Variants in FAM174A observed in about 807,000 individuals in gnomAD.
FAM174A encodes membrane protein FAM174A.
Under a neutral mutation model 14.3 loss-of-function variants are expected in FAM174A, and 14 were observed. The observed-to-expected ratio is 0.98, with a 90% CI of 0.65 to 1.53. FAM174A has a LOEUF of 1.53. Among genes scored for constraint, FAM174A ranks in the 40% most tolerant of loss-of-function variants. The pLI is 0.00. For missense variants in FAM174A, 241 were observed against 249.6 expected (o/e 0.97, Z 0.23); for synonymous variants, 108 against 111.4 (o/e 0.97, Z 0.19).
chr5:100,571,894 T>G (rs1191828909), intron 2 of FAM174A, among the ~76,000 whole-genome samples: 5 of 151,828 alleles, frequency 3.3e-5, no homozygotes, highest in Non-Finnish European at 5.9e-5. Context: ...GTTACATGTG[T>G]TATATGTTAC....
chr5:100,578,824 A>G (rs909356679), intron 2 of FAM174A, among the ~76,000 whole-genome samples: 1 of 151,730 alleles, frequency 6.6e-6, no homozygotes, highest in African/African-American at 2.4e-5. Flanking sequence ...TTGCATACCT[A>G]TTTCAATATT....
chr5:100,559,830 A>G (rs1746486526), intron 1 of FAM174A, among the ~76,000 whole-genome samples: 1 of 151,772 alleles, frequency 6.6e-6, no homozygotes, highest in Admixed American at 6.6e-5. Context: ...TGCATTGGTT[A>G]TTCTAGTTAG....
intron 2 of FAM174A, among the ~76,000 whole-genome samples, chr5:100,585,576 G>A (rs1175935809): frequency 6.6e-6 from 1 of 152,024 alleles, no homozygotes; most frequent in African/African-American, 2.4e-5. Context: ...ATCACACCTG[G>A]CTAATTTTTG....
chr5:100,568,685 T>G (rs1363200899), intron 2 of FAM174A, among the ~76,000 whole-genome samples: 1 of 151,784 alleles, frequency 6.6e-6, no homozygotes, highest in Non-Finnish European at 1.5e-5. Context: ...AATTAGTTTC[T>G]GAGTTTCTTT....
intron 2 of FAM174A, among the ~76,000 whole-genome samples, chr5:100,570,724 ATT>A (rs1746761087): frequency 6.6e-6 from 1 of 152,008 alleles, no homozygotes; most frequent in Non-Finnish European, 1.5e-5. Flanking sequence ...GATATCCCGG[ATT>A]ATATGCATAT....
intron 1 of FAM174A, among the ~76,000 whole-genome samples, chr5:100,541,754 T>C (rs374692713): frequency 6.6e-6 from 1 of 152,088 alleles, no homozygotes; most frequent in Admixed American, 6.5e-5. Flanking sequence ...CTTTTTGTAG[T>C]CTGGCTTCTA....
chr5:100,574,703 T>A (rs995786199), intron 2 of FAM174A, among the ~76,000 whole-genome samples: 5 of 151,990 alleles, frequency 3.3e-5, no homozygotes, highest in African/African-American at 1.2e-4. Flanking sequence ...AAAGAACCTA[T>A]ATTCTACCAG....
At chr5:100,556,975 C>T in intron 1 of FAM174A, among the ~76,000 whole-genome samples, 1 of 152,146 alleles carries the variant, frequency 6.6e-6, no homozygotes, top group Non-Finnish European at 1.5e-5. Flanking sequence ...ACTTCCAACA[C>T]TATGTTGAAT....
rs1325533168 is a variant in FAM174A, at chr5:100,535,380, C to A, written c.-151C>A. On this transcript the variant is annotated 5_prime_UTR_variant, in exon 1 of 3. Coordinates refer to ENST00000312637, the MANE Select transcript of FAM174A (RefSeq NM_198507.3). ...AACTTCCGGTTCTCCGGGCAGCTGC[C>A]ACTGCTGTAGCTTCTGCCACCTGCC... The A allele has an allele frequency of 1.3e-6, 1 of 779,298 alleles. No individual in the cohort carries two copies. The highest frequency in any genetic ancestry group is 1.7e-5 in the South Asian group (1 of 58,246). 48.3% of individuals were successfully genotyped at this position (779,298 alleles called of 1,614,324 possible).
chr5:100,564,634 T>G (rs1197772100), intron 2 of FAM174A, among the ~76,000 whole-genome samples: 2 of 151,572 alleles, frequency 1.3e-5, no homozygotes, highest in Non-Finnish European at 2.9e-5. Context: ...AATAAACCAT[T>G]AGCTAGACTA....
intron 2 of FAM174A, among the ~76,000 whole-genome samples, chr5:100,574,835 A>T (rs1265147159): frequency 6.6e-6 from 1 of 152,198 alleles, no homozygotes; most frequent in Non-Finnish European, 1.5e-5. Flanking sequence ...AGAGTGAAGT[A>T]ACAGAACTAC....
At chr5:100,559,546 C>T (rs1285089768) in intron 1 of FAM174A, among the ~76,000 whole-genome samples, 1 of 152,076 alleles carries the variant, frequency 6.6e-6, no homozygotes, top group African/African-American at 2.4e-5. Context: ...AGAGTATTTT[C>T]CAACTTGGTT....
At chr5:100,554,838 G>C (rs1486887088) in intron 1 of FAM174A, among the ~76,000 whole-genome samples, 1 of 151,964 alleles carries the variant, frequency 6.6e-6, no homozygotes, top group Non-Finnish European at 1.5e-5. Flanking sequence ...TAAACAAAAT[G>C]AAAATTTAAA....
chr5:100,581,431 T>C (rs1398059849), intron 2 of FAM174A: 3 of 968,958 alleles, frequency 3.1e-6, no homozygotes, highest in African/African-American at 3.5e-5. Context: ...TTAAAGTTAT[T>C]TTTTTAAAGA....
At chr5:100,579,229 T>C (rs1746959148) in intron 2 of FAM174A, among the ~76,000 whole-genome samples, 1 of 152,142 alleles carries the variant, frequency 6.6e-6, no homozygotes, top group South Asian at 2.1e-4. Flanking sequence ...CAGCTTAAAT[T>C]TTGTCAATTC....
At chr5:100,556,078 CTAACA>C in intron 1 of FAM174A, among the ~76,000 whole-genome samples, 1 of 152,120 alleles carries the variant, frequency 6.6e-6, no homozygotes, top group African/African-American at 2.4e-5. Flanking sequence ...GGTTTTAGGT[CTAACA>C]TTTAAGTCCT....
chr5:100,562,216 G>A (rs1252852499), intron 2 of FAM174A, 28 bp downstream of exon 2: 8 of 1,550,810 alleles, frequency 5.2e-6, no homozygotes, highest in Non-Finnish European at 6.1e-6. Context: ...TTAATTCCAT[G>A]AATCAGGAAG....
At chr5:100,556,026 G>C (rs556719254) in intron 1 of FAM174A, among the ~76,000 whole-genome samples, 36 of 152,324 alleles carry the variant, frequency 2.4e-4, no homozygotes, top group Middle Eastern at 3.4e-3. Flanking sequence ...CGGTGCCTAT[G>C]TCCTGAATGG....
At chr5:100,570,517 A>G (rs1028598959) in intron 2 of FAM174A, among the ~76,000 whole-genome samples, 2 of 151,918 alleles carry the variant, frequency 1.3e-5, no homozygotes, top group African/African-American at 4.8e-5. Context: ...TTGGAAGAAA[A>G]AGTCTATACT....
Sources: allele counts gnomAD v4.1 joint callset (sites outside exome capture counted in the v4.1 genomes callset), GRCh38; gene constraint gnomAD v4.1.1; transcripts MANE v1.5; gene names NCBI Gene and HGNC (gene_info 2026-07-23, HGNC 2026-07-21).